Variants in CCSER2 observed in about 807,000 individuals in gnomAD.
CCSER2 encodes the protein serine-rich coiled-coil domain-containing protein 2.
CCSER2 carries 46 observed loss-of-function variants against 92.3 expected under a neutral mutation model. The ratio of observed to expected loss-of-function variants is 0.50; its 90% confidence interval spans 0.39 to 0.64. CCSER2 has a LOEUF of 0.64. CCSER2 is among the 30% of genes least tolerant of loss of function. The pLI is 0.00. For synonymous variants in CCSER2, 433 were observed against 431.4 expected, an observed-to-expected ratio of 1.00 and a Z score of -0.04; for missense variants, 1,244 against 1,238.9, an observed-to-expected ratio of 1.00 and a Z score of -0.06.
At chr10:84,363,772 C>T (rs950800693) in intron 1 of CCSER2, among the ~76,000 whole-genome samples, 1 of 152,148 alleles carries the variant, frequency 6.6e-6, no homozygotes, top group Non-Finnish European at 1.5e-5. Context: ...TTCCTTCATT[C>T]TTGTCCCTTG....
chr10:84,403,032 G>A (rs1019803234), intron 3 of CCSER2, among the ~76,000 whole-genome samples: 1 of 152,112 alleles, frequency 6.6e-6, no homozygotes, highest in Non-Finnish European at 1.5e-5. Flanking sequence ...GAATAAAGTG[G>A]CAAGAATTAC....
intron 5 of CCSER2, among the ~76,000 whole-genome samples, chr10:84,436,849 G>T (rs1300771662): frequency 6.6e-6 from 1 of 152,030 alleles, no homozygotes; most frequent in African/African-American, 2.4e-5. Context: ...TGTAAAAATC[G>T]ACCTCATACT....
Position 84,396,185 on chromosome 10 carries a change from C to CTGTGTG in CCSER2, c.1615-21556_1615-21551dup, listed in dbSNP as rs11467455. On this transcript the variant is annotated intron_variant, in intron 3 of 9. Transcript: ENST00000372088. ...AATATATTTTCTTAGTTATTCAACA[C>CTGTGTG]TGTGTGTGTGTGTGTGTGTGTGTGT... Among the ~76,000 whole-genome samples, 642 of 145,792 alleles carry CTGTGTG rather than the reference C, an allele frequency of 4.4e-3. 6 individuals carry two copies. Among genetic ancestry groups the CTGTGTG allele is most frequent in the Middle Eastern group, 0.022 (6 of 276 alleles).
At chr10:84,446,400 C>T (rs778031168) in intron 6 of CCSER2, among the ~76,000 whole-genome samples, 8 of 152,214 alleles carry the variant, frequency 5.3e-5, no homozygotes, top group South Asian at 2.1e-4. Flanking sequence ...CATAATTCTC[C>T]GATTCACTGT....
At chr10:84,404,938 T>C (rs1281267630) in intron 3 of CCSER2, among the ~76,000 whole-genome samples, 4 of 152,190 alleles carry the variant, frequency 2.6e-5, no homozygotes, top group African/African-American at 9.6e-5. Flanking sequence ...GTGGTGTTCA[T>C]GAATTGGAAG....
chr10:84,507,321 C>G (rs1849110640), intron 9 of CCSER2: 1 of 985,224 alleles, frequency 1.0e-6, no homozygotes, highest in Non-Finnish European at 1.2e-6. Flanking sequence ...CATTACTTCT[C>G]TGACAAAGCG....
At chr10:84,356,915 A>T (rs563262475) in intron 1 of CCSER2, among the ~76,000 whole-genome samples, 1 of 152,296 alleles carries the variant, frequency 6.6e-6, no homozygotes, top group South Asian at 2.1e-4. Flanking sequence ...TGAGGTAAAA[A>T]TTAGTAAAAT....
At chr10:84,363,485 C>T (rs1845618475) in intron 1 of CCSER2, among the ~76,000 whole-genome samples, 1 of 152,102 alleles carries the variant, frequency 6.6e-6, no homozygotes, top group Non-Finnish European at 1.5e-5. Context: ...CGTGTGTAGT[C>T]ATCAGTATTG....
In CCSER2 at chr10:84,443,705, C is replaced by A. The variant is rs191808120; in HGVS notation, c.2064+4998C>A. On this transcript the variant is annotated intron_variant, in intron 6 of 9. Transcript: ENST00000372088. Reference sequence around the variant, plus strand: ...GACACATGCACACGTATGTTTATTGCAGCACTGTTCACAATAGCAAAGACT... The same window carrying A: ...GACACATGCACACGTATGTTTATTGAAGCACTGTTCACAATAGCAAAGACT... Among the ~76,000 whole-genome samples, 129 of 152,256 alleles carry A rather than the reference C, an allele frequency of 8.5e-4. 1 individual carries two copies. Among genetic ancestry groups the A allele is most frequent in the African/African-American group, 3.0e-3 (125 of 41,548 alleles).
chr10:84,362,087 T>C (rs551795704), intron 1 of CCSER2, among the ~76,000 whole-genome samples: 4 of 152,312 alleles, frequency 2.6e-5, no homozygotes, highest in African/African-American at 9.6e-5. Context: ...GTATGTGCCA[T>C]TAGTGAATTT....
At chr10:84,434,679 C>A (rs1315557888) in intron 5 of CCSER2, among the ~76,000 whole-genome samples, 3 of 152,048 alleles carry the variant, frequency 2.0e-5, no homozygotes, top group African/African-American at 7.2e-5. Flanking sequence ...TATAGTAAGT[C>A]ATTTTTATTT....
intron 2 of CCSER2, 138 bp downstream of exon 2, chr10:84,372,607 T>G (rs2133174906): frequency 3.4e-6 from 2 of 585,612 alleles, no homozygotes; most frequent in Non-Finnish European, 5.8e-6. Context: ...TTGAGGTGGG[T>G]TAACGTTTAT....
chr10:84,348,914 T>A (rs931938294), intron 1 of CCSER2, among the ~76,000 whole-genome samples: 8 of 152,370 alleles, frequency 5.3e-5, no homozygotes, highest in African/African-American at 1.9e-4. Flanking sequence ...TATGTTTATA[T>A]GCATATTATG....
At chr10:84,377,822 A>G (rs112441597) in intron 3 of CCSER2, among the ~76,000 whole-genome samples, 16 of 152,310 alleles carry the variant, frequency 1.1e-4, no homozygotes, top group African/African-American at 3.8e-4. Flanking sequence ...AATGTTATGC[A>G]TGTTTGATTT....
At chr10:84,491,643 C>T (rs1328684463) in intron 9 of CCSER2, among the ~76,000 whole-genome samples, 1 of 152,172 alleles carries the variant, frequency 6.6e-6, no homozygotes, top group African/African-American at 2.4e-5. Context: ...TCTGTCACCC[C>T]TTCCCTTGGC....
chr10:84,393,133 A>C lies in CCSER2; in HGVS notation c.1614+19318A>C, dbSNP rs2133269929. Among the ~76,000 whole-genome samples, 3 of 152,294 alleles carry C rather than the reference A, an allele frequency of 2.0e-5. No individual in the cohort carries two copies. In the South Asian group the frequency reaches 6.2e-4, roughly 32 times the overall value. On this transcript the variant is annotated intron_variant, in intron 3 of 9. Transcript: ENST00000372088. ...ATTTTCATTAAGAATATAGACATATAAAGTACTGTAGTTTACAGCTAGTCC... is the reference window on the plus strand; with the variant it reads ...ATTTTCATTAAGAATATAGACATATCAAGTACTGTAGTTTACAGCTAGTCC...
chr10:84,450,435 G>A (rs1238045419), intron 6 of CCSER2, among the ~76,000 whole-genome samples: 2 of 152,172 alleles, frequency 1.3e-5, no homozygotes, highest in African/African-American at 4.8e-5. Flanking sequence ...GCATACACAT[G>A]TAAATGCATA....
intron 6 of CCSER2, among the ~76,000 whole-genome samples, chr10:84,447,954 C>T (rs1014116720): frequency 2.6e-5 from 4 of 152,072 alleles, no homozygotes; most frequent in Admixed American, 6.6e-5. Context: ...CCACCATACC[C>T]GGCTATTTTT....
chr10:84,478,528 A>G (rs1301742314), intron 9 of CCSER2, among the ~76,000 whole-genome samples: 1 of 152,220 alleles, frequency 6.6e-6, no homozygotes, highest in Non-Finnish European at 1.5e-5. Context: ...AAGTTTATAA[A>G]AGAGTTTTGT....
Sources: gnomAD v4.1 joint callset for allele counts (sites outside exome capture counted in the v4.1 genomes callset) on GRCh38, gnomAD v4.1.1 for gene constraint, MANE v1.5 for transcripts, NCBI Gene and HGNC (gene_info 2026-07-23, HGNC 2026-07-21) for gene names.